The following TMOD1 variants were observed in gnomAD, a reference collection of about 807,000 sequenced individuals.
The protein encoded by TMOD1 is tropomodulin 1.
Under a neutral mutation model 40.6 loss-of-function variants are expected in TMOD1, and 17 were observed. The ratio of observed to expected loss-of-function variants is 0.42; its 90% CI spans 0.29 to 0.63. The LOEUF (loss-of-function observed/expected upper bound fraction) is 0.63. Ranked by LOEUF, TMOD1 falls within the 20% of genes least tolerant of loss-of-function variation. The probability of loss-of-function intolerance (pLI) is 0.22; values close to 1 mark genes in which losing one functional copy is unlikely to be tolerated. For missense variants in TMOD1, 391 were observed against 447.6 expected (o/e 0.87, Z 1.14); for synonymous variants, 181 against 175.0 (o/e 1.03, Z -0.27).
intron 8 of TMOD1, among the ~76,000 whole-genome samples, chr9:97,586,601 A>G (rs1195592055): frequency 1.3e-5 from 2 of 151,758 alleles, no homozygotes; most frequent in South Asian, 2.1e-4. Flanking sequence ...CCCCTCCCCC[A>G]GCCTCGCTGC....
At chr9:97,528,446 G>C (rs536751909) in intron 2 of TMOD1, among the ~76,000 whole-genome samples, 1 of 152,324 alleles carries the variant, frequency 6.6e-6, no homozygotes, top group South Asian at 2.1e-4. Flanking sequence ...GAAAAGAGAA[G>C]AGAAACCAGA....
chr9:97,529,858 C>T (rs145509602), intron 2 of TMOD1, among the ~76,000 whole-genome samples: 17 of 152,318 alleles, frequency 1.1e-4, no homozygotes, highest in Admixed American at 2.0e-4. Context: ...GAGTAATAGA[C>T]GCTCAATACT....
At chr9:97,588,056 T>C (rs1018882473) in intron 8 of TMOD1, among the ~76,000 whole-genome samples, 2 of 152,266 alleles carry the variant, frequency 1.3e-5, no homozygotes, top group African/African-American at 4.8e-5. Context: ...AATGCTGTTA[T>C]GAGCATTCAT....
chr9:97,567,576 A>G lies in TMOD1; in HGVS notation c.727-1318A>G, dbSNP rs192520857. On this transcript the variant is annotated intron_variant, in intron 7 of 9. Coordinates refer to ENST00000259365, the MANE Select transcript of TMOD1 (RefSeq NM_003275.4). ...GTTGGATCAGCCTAGCAGGTTGCCT[A>G]CTGGTTGTTATTTTGATTTTTTTTA... Among the ~76,000 whole-genome samples, 206 of 152,286 alleles carry G rather than the reference A, an allele frequency of 1.4e-3. 1 individual carries two copies. Among genetic ancestry groups the G allele is most frequent in the Non-Finnish European group, 2.9e-4 (20 of 68,020 alleles).
At chr9:97,527,137 T>C (rs1830028270) in intron 2 of TMOD1, among the ~76,000 whole-genome samples, 1 of 152,150 alleles carries the variant, frequency 6.6e-6, no homozygotes, top group African/African-American at 2.4e-5. Flanking sequence ...TGTGTTTCAG[T>C]AAAAACAAGC....
chr9:97,553,147 G>C, intron 3 of TMOD1, 134 bp from the exon 4 acceptor site: 1 of 1,330,504 alleles, frequency 7.5e-7, no homozygotes, highest in Non-Finnish European at 1.0e-6. Context: ...TTGGTCCCCA[G>C]AGGGAGAAAC....
At chr9:97,562,667 GT>G in intron 4 of TMOD1, 64 bp from the exon 5 acceptor site, 1 of 1,240,692 alleles carries the variant, frequency 8.1e-7, no homozygotes, top group Non-Finnish European at 1.1e-6. Flanking sequence ...GGTTTGGAGT[GT>G]GGGTCCCTAG....
chr9:97,562,832 G>C lies in TMOD1; in HGVS notation c.487+11G>C. On this transcript the variant is annotated intron_variant, in intron 5 of 9. Transcript: ENST00000259365. The stretch of plus-strand genomic sequence containing the variant: ...AGGAGGGGCTCAACAGTGAGTATGC[G>C]CCCGCCCCCAGGAGGGACCTCATGC... 6.3e-7 allele frequency: 1 copy of C among 1,576,416 alleles called. No homozygotes were observed. Among genetic ancestry groups the C allele is most frequent in the South Asian group, 1.2e-5 (1 of 84,218 alleles).
intron 3 of TMOD1, 132 bp downstream of exon 3, chr9:97,546,473 C>A: frequency 4.6e-6 from 4 of 875,982 alleles, no homozygotes; most frequent in Non-Finnish European, 6.7e-6. Context: ...CCCTGCCTGG[C>A]CAAAACACCC....
In TMOD1 at chr9:97,554,657, T is replaced by C. The variant is rs947263351; in HGVS notation, c.397+1257T>C. ...CCAAATCAAGATGGGCAGAATTGGA[T>C]GCAGGAGCCACAGAGACAGAGTGAG... On this transcript the variant is annotated intron_variant, in intron 4 of 9. Transcript: ENST00000259365. Among the ~76,000 whole-genome samples, 14 of 152,054 alleles carry C rather than the reference T, an allele frequency of 9.2e-5. 1 individual carries two copies. The highest frequency in any genetic ancestry group is 6.9e-3 in the Middle Eastern group (2 of 290).
intron 1 of TMOD1, among the ~76,000 whole-genome samples, chr9:97,504,664 C>T (rs1829563177): frequency 6.6e-6 from 1 of 152,188 alleles, no homozygotes. Context: ...TCTGGCAGAC[C>T]AGTATCTGCG....
At chr9:97,524,030 C>T in intron 1 of TMOD1, 111 bp from the exon 2 acceptor site, 1 of 716,044 alleles carries the variant, frequency 1.4e-6, no homozygotes. Context: ...TAATGATTAT[C>T]CTGGCAATTC....
intron 4 of TMOD1, among the ~76,000 whole-genome samples, chr9:97,559,829 ATCTATCTATC>A (rs1563990776): frequency 0.056 from 3,399 of 60,896 alleles, 219 homozygotes; most frequent in Non-Finnish European, 0.066. Context: ...ATATATGTCT[ATCTATCTATC>A]TATCTATCTA....
chr9:97,588,781 T>C (rs1019298103), intron 8 of TMOD1, among the ~76,000 whole-genome samples: 1 of 152,218 alleles, frequency 6.6e-6, no homozygotes, highest in Non-Finnish European at 1.5e-5. Context: ...AAGTCTTTAC[T>C]TCTTTTGTTA....
intron 8 of TMOD1, among the ~76,000 whole-genome samples, chr9:97,586,661 T>C (rs1273369787): frequency 4.0e-5 from 6 of 149,570 alleles, no homozygotes; most frequent in African/African-American, 7.3e-5. Context: ...AGCGAGACTC[T>C]GTGGGCGTAG....
At chr9:97,552,462 C>T (rs373065290) in intron 3 of TMOD1, among the ~76,000 whole-genome samples, 79 of 152,340 alleles carry the variant, frequency 5.2e-4, no homozygotes, top group African/African-American at 1.7e-3. Context: ...TATTATTGCT[C>T]TCCTTTCACT....
Position 97,591,273 on chromosome 9 carries a change from AT to A in TMOD1, c.871-12del. ...GTGGTGATTTTATTTTTTATTTTTTATTTTTTCTTGACTAAAGAGCCAGCCC... is the reference window on the plus strand; with the variant it reads ...GTGGTGATTTTATTTTTTATTTTTTATTTTTCTTGACTAAAGAGCCAGCCC... On this transcript the variant is annotated splice_polypyrimidine_tract_variant and intron_variant, in intron 8 of 9. Transcript: ENST00000259365. 1 of 1,592,098 alleles carries A rather than the reference AT, an allele frequency of 6.3e-7. No homozygotes were observed. The highest frequency in any genetic ancestry group is 1.1e-5 in the South Asian group (1 of 88,838).
At chr9:97,520,965 T>C (rs774301740) in intron 1 of TMOD1, among the ~76,000 whole-genome samples, 10 of 152,190 alleles carry the variant, frequency 6.6e-5, no homozygotes, top group Non-Finnish European at 1.5e-4. Context: ...CCAGGGTCTG[T>C]CCATGACTCT....
intron 1 of TMOD1, among the ~76,000 whole-genome samples, chr9:97,508,982 T>A (rs1829648810): frequency 6.6e-6 from 1 of 151,790 alleles, no homozygotes; most frequent in South Asian, 2.1e-4. Context: ...GATGATAGAG[T>A]CAGAGATTGG....
Sources: allele counts gnomAD v4.1 joint callset (sites outside exome capture counted in the v4.1 genomes callset), GRCh38; gene constraint gnomAD v4.1.1; transcripts MANE v1.5; gene names NCBI Gene and HGNC (gene_info 2026-07-23, HGNC 2026-07-21).